MAGI2: variants seen among roughly 807,000 people sequenced by gnomAD.
The protein encoded by MAGI2 is membrane-associated guanylate kinase, WW and PDZ domain-containing protein 2.
Under a neutral mutation model 133.3 loss-of-function variants are expected in MAGI2, and 35 were observed. The observed-to-expected ratio is 0.26, with a 90% CI of 0.20 to 0.35. The LOEUF (loss-of-function observed/expected upper bound fraction) is 0.35, where lower values mean the gene tolerates loss of function less well. MAGI2 is among the 10% of genes least tolerant of loss of function. The probability of loss-of-function intolerance (pLI) is 1.00; values close to 1 mark genes in which losing one functional copy is unlikely to be tolerated. For missense variants in MAGI2, 1,636 were observed against 1,863.4 expected (o/e 0.88, Z 2.25); for synonymous variants, 729 against 710.6 (o/e 1.03, Z -0.41).
chr7:78,300,458 G>A (rs993272122), intron 9 of MAGI2, among the ~76,000 whole-genome samples: 8 of 152,244 alleles, frequency 5.3e-5, no homozygotes, highest in South Asian at 4.1e-4. Flanking sequence ...CATAAACAAC[G>A]TGAAATTTCA....
At chr7:78,362,259 A>G (rs1348717618) in intron 7 of MAGI2, among the ~76,000 whole-genome samples, 2 of 152,104 alleles carry the variant, frequency 1.3e-5, no homozygotes, top group African/African-American at 2.4e-5. Flanking sequence ...CCGAGATTGC[A>G]CCACTGTACT....
intron 1 of MAGI2, among the ~76,000 whole-genome samples, chr7:79,217,930 C>G (rs941275233): frequency 2.6e-5 from 4 of 151,860 alleles, no homozygotes; most frequent in African/African-American, 9.7e-5. Flanking sequence ...AAAATGACAG[C>G]AAATGATGGC....
chr7:78,846,497 A>T (rs1792622135), intron 2 of MAGI2, among the ~76,000 whole-genome samples: 1 of 151,954 alleles, frequency 6.6e-6, no homozygotes, highest in South Asian at 2.1e-4. Flanking sequence ...ATTGAAATAG[A>T]TAATGTTTAT....
At chr7:78,123,827 C>T (rs1820702499) in intron 20 of MAGI2, among the ~76,000 whole-genome samples, 2 of 152,160 alleles carry the variant, frequency 1.3e-5, no homozygotes, top group Non-Finnish European at 2.9e-5. Context: ...CTGGTGACCC[C>T]ACTCCTAGAG....
At chr7:78,786,175 C>G (rs891066633) in intron 2 of MAGI2, among the ~76,000 whole-genome samples, 3 of 152,010 alleles carry the variant, frequency 2.0e-5, no homozygotes, top group South Asian at 4.2e-4. Flanking sequence ...ATCATCCTTG[C>G]CTCCTCTCTG....
chr7:79,401,211 A>G (rs77800230), intron 1 of MAGI2, among the ~76,000 whole-genome samples: 1,670 of 152,316 alleles, frequency 0.011, 29 homozygotes, highest in African/African-American at 0.038. Context: ...TTGTGTATAG[A>G]TACACATGCC....
At chr7:79,341,202 G>A (rs536532583) in intron 1 of MAGI2, among the ~76,000 whole-genome samples, 1 of 152,174 alleles carries the variant, frequency 6.6e-6, no homozygotes, top group Admixed American at 6.6e-5. Context: ...TTTTGTATTG[G>A]GCAGTAATAC....
chr7:78,858,238 G>T (rs1415491561), intron 2 of MAGI2, among the ~76,000 whole-genome samples: 3 of 151,838 alleles, frequency 2.0e-5, no homozygotes, highest in Non-Finnish European at 2.9e-5. Context: ...GGGTTTTTTT[G>T]TGTCTCTATC....
intron 3 of MAGI2, among the ~76,000 whole-genome samples, chr7:78,536,137 G>A (rs1311233464): frequency 1.1e-5 from 1 of 93,814 alleles, no homozygotes. Context: ...TTTTGAGACG[G>A]AGTCTCGCTC....
intron 21 of MAGI2, among the ~76,000 whole-genome samples, chr7:78,073,896 C>T (rs1814993553): frequency 6.6e-6 from 1 of 152,172 alleles, no homozygotes; most frequent in Non-Finnish European, 1.5e-5. Flanking sequence ...ATTCTCTTCT[C>T]AGTATGGCAT....
chr7:78,554,218 T>C (rs1799596035), intron 3 of MAGI2, among the ~76,000 whole-genome samples: 1 of 152,136 alleles, frequency 6.6e-6, no homozygotes, highest in Admixed American at 6.6e-5. Context: ...CACACTGTCA[T>C]GATTACACAC....
chr7:79,293,037 G>A (rs1380229066), intron 1 of MAGI2, among the ~76,000 whole-genome samples: 1 of 152,012 alleles, frequency 6.6e-6, no homozygotes, highest in Non-Finnish European at 1.5e-5. Flanking sequence ...GCTTTCTGTG[G>A]GTCAGTATGT....
chr7:79,221,858 A>G (rs996097558), intron 1 of MAGI2, among the ~76,000 whole-genome samples: 12 of 152,026 alleles, frequency 7.9e-5, no homozygotes, highest in African/African-American at 2.9e-4. Flanking sequence ...CACAGGAAAG[A>G]TGGATTGATA....
At chr7:79,286,242 A>C (rs1207120237) in intron 1 of MAGI2, among the ~76,000 whole-genome samples, 1 of 152,058 alleles carries the variant, frequency 6.6e-6, no homozygotes, top group Non-Finnish European at 1.5e-5. Context: ...ATAAGTAATA[A>C]ATATAAAGTC....
intron 2 of MAGI2, among the ~76,000 whole-genome samples, chr7:78,867,792 A>G (rs145087309): frequency 1.3e-5 from 2 of 152,272 alleles, no homozygotes; most frequent in East Asian, 3.9e-4. Context: ...GTAACATAAG[A>G]GTAAGAGACC....
intron 16 of MAGI2, among the ~76,000 whole-genome samples, chr7:78,153,730 A>G (rs542118529): frequency 2.6e-5 from 4 of 152,354 alleles, no homozygotes; most frequent in Admixed American, 2.6e-4. Context: ...TTTACACACC[A>G]ACAAAACTAA....
chr7:79,216,251 G>A (rs1332624746), intron 1 of MAGI2, among the ~76,000 whole-genome samples: 5 of 151,848 alleles, frequency 3.3e-5, no homozygotes, highest in Non-Finnish European at 7.4e-5. Flanking sequence ...CAAACTCTAG[G>A]GGAAGATTGT....
At chr7:78,820,518 C>T (rs774054023) in intron 2 of MAGI2, among the ~76,000 whole-genome samples, 1 of 151,756 alleles carries the variant, frequency 6.6e-6, no homozygotes, top group Non-Finnish European at 1.5e-5. Context: ...TTTTTATTTT[C>T]CATTTTTCCT....
intron 1 of MAGI2, among the ~76,000 whole-genome samples, chr7:79,008,175 GC>G (rs2116537776): frequency 6.6e-6 from 1 of 152,088 alleles, no homozygotes; most frequent in South Asian, 2.1e-4. Context: ...GGGAAATTGA[GC>G]CAAGACAAAC....
Sources: gnomAD v4.1 joint callset for allele counts (sites outside exome capture counted in the v4.1 genomes callset) on GRCh38, gnomAD v4.1.1 for gene constraint, MANE v1.5 for transcripts, NCBI Gene and HGNC (gene_info 2026-07-23, HGNC 2026-07-21) for gene names.